Variants in SLC4A10 observed in about 807,000 individuals in gnomAD.
SLC4A10 encodes sodium-driven chloride bicarbonate exchanger.
In SLC4A10, 42 loss-of-function variants were observed where a neutral mutation model predicts 137.7. The observed-to-expected ratio is 0.30, with a 90% CI of 0.24 to 0.39. SLC4A10 has a LOEUF of 0.39. Among genes scored for constraint, SLC4A10 ranks in the 10% least tolerant of loss-of-function variants. The pLI, the probability that SLC4A10 is intolerant of heterozygous loss-of-function variation, is 1.00. For synonymous variants in SLC4A10, 474 were observed against 464.1 expected, an observed-to-expected ratio of 1.02 and a Z score of -0.27; for missense variants, 925 against 1,355.0, an observed-to-expected ratio of 0.68 and a Z score of 4.98.
chr2:161,906,193 G>A (rs548468342), intron 15 of SLC4A10, among the ~76,000 whole-genome samples: 80 of 152,096 alleles, frequency 5.3e-4, no homozygotes, highest in Non-Finnish European at 8.7e-4. Flanking sequence ...TTACCTTAGC[G>A]AAATATATGT....
At chr2:161,695,239 G>T (rs1303358835) in intron 1 of SLC4A10, among the ~76,000 whole-genome samples, 2 of 151,930 alleles carry the variant, frequency 1.3e-5, no homozygotes, top group African/African-American at 4.8e-5. Flanking sequence ...CTGTGCCATG[G>T]ACTGAAACTG....
At chr2:161,834,296 AT>A (rs1484258129) in intron 3 of SLC4A10, among the ~76,000 whole-genome samples, 2 of 152,192 alleles carry the variant, frequency 1.3e-5, no homozygotes, top group Non-Finnish European at 2.9e-5. Context: ...AGGGGACATA[AT>A]GAGTCTCTGT....
chr2:161,799,933 T>G (rs1340499741), intron 2 of SLC4A10, among the ~76,000 whole-genome samples: 1 of 152,024 alleles, frequency 6.6e-6, no homozygotes, highest in African/African-American at 2.4e-5. Context: ...TCTTCTCCTG[T>G]CTTCTCCTTT....
chr2:161,788,325 A>G (rs2053850048), intron 2 of SLC4A10, among the ~76,000 whole-genome samples: 1 of 151,662 alleles, frequency 6.6e-6, no homozygotes, highest in African/African-American at 2.4e-5. Flanking sequence ...CTAGTACTAT[A>G]CCCTTCTGAC....
intron 10 of SLC4A10, among the ~76,000 whole-genome samples, chr2:161,889,390 C>T (rs553872210): frequency 8.1e-4 from 124 of 152,192 alleles, no homozygotes; most frequent in African/African-American, 2.7e-3. Context: ...TGGTAGAATT[C>T]GGCTATGAAT....
At chr2:161,940,946 A>C (rs972946031) in intron 15 of SLC4A10, among the ~76,000 whole-genome samples, 1 of 152,162 alleles carries the variant, frequency 6.6e-6, no homozygotes. Context: ...TATATTTTAA[A>C]AACAAAAAAC....
chr2:161,977,640 C>G, intron 25 of SLC4A10, 82 bp from the exon 26 acceptor site: 1 of 1,189,100 alleles, frequency 8.4e-7, no homozygotes, highest in Non-Finnish European at 1.2e-6. Context: ...ACAGTGTTTA[C>G]TATAATTATA....
intron 1 of SLC4A10, among the ~76,000 whole-genome samples, chr2:161,673,452 T>A (rs2039953264): frequency 6.6e-6 from 1 of 152,050 alleles, no homozygotes; most frequent in African/African-American, 2.4e-5. Flanking sequence ...TGGCTGGAAG[T>A]GTGTGAGGGA....
intron 3 of SLC4A10, among the ~76,000 whole-genome samples, chr2:161,828,010 T>G (rs1486921900): frequency 3.9e-5 from 6 of 152,202 alleles, no homozygotes; most frequent in Non-Finnish European, 8.8e-5. Context: ...TATTCACCAT[T>G]GCTAGCGTCT....
chr2:161,859,885 C>T (rs555779596), intron 5 of SLC4A10, among the ~76,000 whole-genome samples: 22 of 152,236 alleles, frequency 1.4e-4, no homozygotes, highest in African/African-American at 5.3e-4. Flanking sequence ...CAGGCGTGAG[C>T]CACCGCGCCT....
Position 161,983,480 on chromosome 2 carries a change from A to G in SLC4A10, c.*328A>G, listed in dbSNP as rs1662695906. The G allele has an allele frequency of 4.6e-6, 2 of 435,830 alleles. No individual in the cohort carries two copies. The highest frequency in any genetic ancestry group is 8.0e-6 in the Non-Finnish European group (2 of 248,732). 27.0% of individuals were successfully genotyped at this position (435,830 alleles called of 1,614,324 possible). A position where few individuals can be genotyped will look rare whatever the true frequency, so the allele number is the denominator to read the frequency against. On this transcript the variant is annotated 3_prime_UTR_variant, in exon 27 of 27. Coordinates refer to ENST00000446997, the MANE Select transcript of SLC4A10 (RefSeq NM_001178015.2). ...GTGTGTTCCTTGCTGTACGTTAGAC[A>G]TTTGTAAACTGGATTCTGATTGTCA...
chr2:161,717,711 T>G (rs1351278690), intron 1 of SLC4A10, among the ~76,000 whole-genome samples: 2 of 152,158 alleles, frequency 1.3e-5, no homozygotes, highest in Non-Finnish European at 2.9e-5. Flanking sequence ...TTCTTGAAGA[T>G]TTTTGCATTG....
At chr2:161,661,924 C>T (rs1280069503) in intron 1 of SLC4A10, among the ~76,000 whole-genome samples, 1 of 152,088 alleles carries the variant, frequency 6.6e-6, no homozygotes, top group Non-Finnish European at 1.5e-5. Flanking sequence ...TTGTAATATT[C>T]ACAAGCTAAG....
intron 7 of SLC4A10, among the ~76,000 whole-genome samples, chr2:161,872,738 G>A (rs1007302278): frequency 6.6e-6 from 1 of 152,164 alleles, no homozygotes; most frequent in Admixed American, 6.5e-5. Context: ...GTTTGAGGCA[G>A]AGTCTCGCTC....
chr2:161,660,565 T>C (rs1456267673), intron 1 of SLC4A10, among the ~76,000 whole-genome samples: 2 of 82,098 alleles, frequency 2.4e-5, no homozygotes, highest in Admixed American at 1.5e-4. Context: ...TATTTCTTTC[T>C]TTCTTTCTTT....
chr2:161,741,111 A>G (rs2047835725), intron 1 of SLC4A10, among the ~76,000 whole-genome samples: 1 of 152,088 alleles, frequency 6.6e-6, no homozygotes, highest in Admixed American at 6.6e-5. Context: ...TGTCTCCACA[A>G]AAAATTAGCA....
intron 16 of SLC4A10, among the ~76,000 whole-genome samples, chr2:161,944,030 TG>T (rs1435005518): frequency 6.6e-6 from 1 of 151,934 alleles, no homozygotes; most frequent in Non-Finnish European, 1.5e-5. Context: ...ACCCTAGCTG[TG>T]TTCTGTAGAA....
At chr2:161,823,226 G>A (rs987602864) in intron 3 of SLC4A10, among the ~76,000 whole-genome samples, 4 of 152,138 alleles carry the variant, frequency 2.6e-5, no homozygotes, top group Middle Eastern at 3.2e-3. Context: ...TGGTGTCATT[G>A]GCAACTGAGA....
At chr2:161,930,188 A>G (rs888666321) in intron 15 of SLC4A10, among the ~76,000 whole-genome samples, 3 of 152,082 alleles carry the variant, frequency 2.0e-5, no homozygotes, top group Non-Finnish European at 4.4e-5. Flanking sequence ...TGTTTAACCT[A>G]CCTCCCAAAG....
Sources: gnomAD v4.1 joint callset for allele counts (sites outside exome capture counted in the v4.1 genomes callset) on GRCh38, gnomAD v4.1.1 for gene constraint, MANE v1.5 for transcripts, NCBI Gene and HGNC (gene_info 2026-07-23, HGNC 2026-07-21) for gene names.